Variants in RPS6KC1 observed in about 807,000 individuals in gnomAD.
The protein encoded by RPS6KC1 is inactive ribosomal protein S6 kinase delta-1.
In RPS6KC1, 54 loss-of-function variants were observed where a neutral mutation model predicts 103.8. The observed-to-expected ratio is 0.52, with a 90% CI of 0.42 to 0.65. The LOEUF (loss-of-function observed/expected upper bound fraction) is 0.65, where lower values mean the gene tolerates loss of function less well. Among genes scored for constraint, RPS6KC1 ranks in the 30% least tolerant of loss-of-function variants. RPS6KC1 has a pLI of 0.00. For missense variants in RPS6KC1, 1,151 were observed against 1,253.8 expected (o/e 0.92, Z 1.24); for synonymous variants, 439 against 438.7 (o/e 1.00, Z -0.01).
the RPS6KC1 span, chr1:213,817,856 C>T: frequency 2.6e-5 from 4 of 152,062 alleles, no homozygotes; most frequent in African/African-American, 9.7e-5. Flanking sequence ...TCTGTTGGTG[C>T]CATTTTTCTA....
the RPS6KC1 span, among the ~76,000 whole-genome samples, chr1:213,777,591 C>A: frequency 3.4e-3 from 524 of 152,098 alleles, 1 homozygote; most frequent in African/African-American, 0.012. Flanking sequence ...AAAATGGCAC[C>A]AATATTCTTG....
intron 12 of RPS6KC1, among the ~76,000 whole-genome samples, chr1:213,260,386 G>A (rs2094757355): frequency 6.6e-6 from 1 of 152,148 alleles, no homozygotes; most frequent in Admixed American, 6.5e-5. Flanking sequence ...GAAAAAGGTT[G>A]CTGAATGGAG....
chr1:213,552,990 C>CT, the RPS6KC1 span, among the ~76,000 whole-genome samples: 53 of 147,884 alleles, frequency 3.6e-4, no homozygotes, highest in African/African-American at 9.0e-4. Flanking sequence ...TATTACCATT[C>CT]TTTTTTTTTT....
At chr1:213,740,616 T>C in the RPS6KC1 span, among the ~76,000 whole-genome samples, 3 of 150,486 alleles carry the variant, frequency 2.0e-5, no homozygotes, top group Non-Finnish European at 2.9e-5. Context: ...TATATACATA[T>C]ATATATCTCA....
the RPS6KC1 span, among the ~76,000 whole-genome samples, chr1:213,584,494 A>G: frequency 6.6e-6 from 1 of 152,244 alleles, no homozygotes; most frequent in South Asian, 2.1e-4. Context: ...AGCTGTTTCT[A>G]TATCACCATT....
the RPS6KC1 span, among the ~76,000 whole-genome samples, chr1:213,591,243 G>A: frequency 3.9e-5 from 6 of 152,308 alleles, no homozygotes; most frequent in Admixed American, 3.9e-4. Flanking sequence ...CTCTGCAACA[G>A]CAGCCTTACT....
the RPS6KC1 span, among the ~76,000 whole-genome samples, chr1:213,332,666 A>C: frequency 6.6e-6 from 1 of 152,196 alleles, no homozygotes; most frequent in Non-Finnish European, 1.5e-5. Context: ...GCAGAGGCAC[A>C]GCTGGGTCGT....
the RPS6KC1 span, among the ~76,000 whole-genome samples, chr1:213,794,136 C>T: frequency 6.6e-6 from 1 of 152,138 alleles, no homozygotes; most frequent in South Asian, 2.1e-4. Flanking sequence ...TGCAACAATG[C>T]AAATAGGAAG....
chr1:213,781,355 T>C, the RPS6KC1 span, among the ~76,000 whole-genome samples: 1 of 152,034 alleles, frequency 6.6e-6, no homozygotes, highest in African/African-American at 2.4e-5. Context: ...CCATTGAAGA[T>C]GGAAACTCCA....
the RPS6KC1 span, among the ~76,000 whole-genome samples, chr1:213,759,112 C>G: frequency 1.3e-5 from 2 of 152,118 alleles, no homozygotes; most frequent in African/African-American, 2.4e-5. Context: ...TCATAGCCAC[C>G]CCAGCCTTCA....
chr1:213,284,691 A>G, the RPS6KC1 span, among the ~76,000 whole-genome samples: 12 of 152,272 alleles, frequency 7.9e-5, no homozygotes, highest in Admixed American at 6.5e-4. Flanking sequence ...AATGCAAGGG[A>G]ACTGAACTAA....
At chr1:213,548,289 C>A in the RPS6KC1 span, among the ~76,000 whole-genome samples, 3 of 152,118 alleles carry the variant, frequency 2.0e-5, no homozygotes, top group African/African-American at 7.2e-5. Context: ...AAATGAATTT[C>A]TCATTTATAG....
At chr1:213,621,752 A>G in the RPS6KC1 span, among the ~76,000 whole-genome samples, 5 of 152,216 alleles carry the variant, frequency 3.3e-5, no homozygotes, top group African/African-American at 1.2e-4. Flanking sequence ...AGGTATTTTA[A>G]GATGGCAACT....
chr1:213,511,946 G>T, the RPS6KC1 span, among the ~76,000 whole-genome samples: 1 of 152,100 alleles, frequency 6.6e-6, no homozygotes, highest in African/African-American at 2.4e-5. Flanking sequence ...TTGCCCATTT[G>T]TTCTCTGATG....
the RPS6KC1 span, among the ~76,000 whole-genome samples, chr1:213,334,981 C>G: frequency 6.6e-6 from 1 of 152,204 alleles, no homozygotes; most frequent in Non-Finnish European, 1.5e-5. Flanking sequence ...TAAAGCCTCA[C>G]TTGGAGATAA....
chr1:213,387,362 G>A, the RPS6KC1 span, among the ~76,000 whole-genome samples: 1 of 152,304 alleles, frequency 6.6e-6, no homozygotes, highest in South Asian at 2.1e-4. Context: ...ACTTCCAATT[G>A]CCTGTGGCCA....
At chr1:213,671,762 C>G in the RPS6KC1 span, among the ~76,000 whole-genome samples, 1 of 152,052 alleles carries the variant, frequency 6.6e-6, no homozygotes, top group Non-Finnish European at 1.5e-5. Flanking sequence ...CTAGCCTGGG[C>G]AACAGAGGGA....
chr1:213,536,316 G>A, the RPS6KC1 span, among the ~76,000 whole-genome samples: 4 of 152,152 alleles, frequency 2.6e-5, no homozygotes, highest in South Asian at 4.1e-4. Flanking sequence ...AATACCTTCT[G>A]GGGGCTCAGT....
intron 2 of RPS6KC1, among the ~76,000 whole-genome samples, chr1:213,076,318 C>G (rs2079329987): frequency 6.6e-6 from 1 of 152,140 alleles, no homozygotes; most frequent in South Asian, 2.1e-4. Flanking sequence ...TTTTTGGCAG[C>G]ATGAAAAAGT....
Sources: gnomAD v4.1 joint callset for allele counts (sites outside exome capture counted in the v4.1 genomes callset) on GRCh38, gnomAD v4.1.1 for gene constraint, MANE v1.5 for transcripts, NCBI Gene and HGNC (gene_info 2026-07-23, HGNC 2026-07-21) for gene names.